PDE7B: variants seen among roughly 807,000 people sequenced by gnomAD.
The protein encoded by PDE7B is 3',5'-cyclic-AMP phosphodiesterase 7B.
A neutral mutation model predicts 56.2 loss-of-function variants in PDE7B; 29 were observed. The observed-to-expected ratio is 0.52, with a 90% CI of 0.38 to 0.70. The LOEUF is 0.70. PDE7B is among the 30% of genes least tolerant of loss of function. PDE7B has a pLI of 0.00. For missense variants in PDE7B, 490 were observed against 565.0 expected (o/e 0.87, Z 1.35); for synonymous variants, 197 against 196.9 (o/e 1.00, Z 0.00).
At chr6:135,882,244 C>T (rs745437752) in intron 1 of PDE7B, among the ~76,000 whole-genome samples, 8 of 152,134 alleles carry the variant, frequency 5.3e-5, no homozygotes, top group Middle Eastern at 3.2e-3. Flanking sequence ...GTGTGACCCC[C>T]GCTGAGAACA....
At chr6:136,049,393 C>CACTG (rs998803550) in intron 2 of PDE7B, 11 of 152,188 alleles carry the variant, frequency 7.2e-5, no homozygotes, top group African/African-American at 2.7e-4. Context: ...TGAGCCACCA[C>CACTG]ACTGGCCCTC....
chr6:136,049,583 T>C (rs1484389246), intron 2 of PDE7B: 2 of 152,254 alleles, frequency 1.3e-5, no homozygotes, highest in Admixed American at 6.5e-5. Flanking sequence ...TGACTCTTTG[T>C]TGGTTGACCC....
chr6:136,107,736 G>A (rs950780529), intron 2 of PDE7B, among the ~76,000 whole-genome samples: 5 of 152,122 alleles, frequency 3.3e-5, no homozygotes, highest in Admixed American at 1.3e-4. Flanking sequence ...GGCCTACCGT[G>A]TTCTAAAGTC....
intron 8 of PDE7B, among the ~76,000 whole-genome samples, chr6:136,164,110 A>G (rs1778755445): frequency 6.6e-6 from 1 of 152,128 alleles, no homozygotes; most frequent in African/African-American, 2.4e-5. Flanking sequence ...CATACCCCAG[A>G]CTGGGTAATT....
chr6:135,910,524 T>C (rs2128193651), intron 1 of PDE7B, among the ~76,000 whole-genome samples: 1 of 152,312 alleles, frequency 6.6e-6, no homozygotes, highest in African/African-American at 2.4e-5. Context: ...CATAGCCTCC[T>C]CCATTATCCA....
intron 1 of PDE7B, among the ~76,000 whole-genome samples, chr6:135,886,241 G>C (rs1370515909): frequency 1.3e-5 from 2 of 152,054 alleles, no homozygotes; most frequent in African/African-American, 4.8e-5. Flanking sequence ...GTAGGGTTGT[G>C]AATCAATAGC....
chr6:135,936,491 AC>A (rs1774425180), intron 1 of PDE7B, among the ~76,000 whole-genome samples: 1 of 152,176 alleles, frequency 6.6e-6, no homozygotes, highest in Non-Finnish European at 1.5e-5. Context: ...ACACAGTCAG[AC>A]AAAAAGGCGC....
intron 2 of PDE7B, among the ~76,000 whole-genome samples, chr6:136,004,951 C>G (rs1775749870): frequency 2.0e-5 from 3 of 152,314 alleles, no homozygotes; most frequent in African/African-American, 7.2e-5. Flanking sequence ...TGACTTCAAA[C>G]TATACTACAA....
chr6:135,938,034 C>T (rs1774451312), intron 1 of PDE7B, among the ~76,000 whole-genome samples: 1 of 152,202 alleles, frequency 6.6e-6, no homozygotes, highest in Non-Finnish European at 1.5e-5. Context: ...AGCATTGTTA[C>T]TCCCTGTACT....
At chr6:135,900,158 T>A (rs1159929431) in intron 1 of PDE7B, among the ~76,000 whole-genome samples, 2 of 152,102 alleles carry the variant, frequency 1.3e-5, no homozygotes, top group Non-Finnish European at 2.9e-5. Context: ...AGAGGTAGTT[T>A]GTTAGCATGA....
intron 2 of PDE7B, among the ~76,000 whole-genome samples, chr6:136,032,683 A>G (rs570761480): frequency 6.6e-6 from 1 of 152,326 alleles, no homozygotes; most frequent in Non-Finnish European, 1.5e-5. Flanking sequence ...TTGACTTTCC[A>G]GCTTTCTAAC....
At chr6:136,007,261 A>G (rs1260325079) in intron 2 of PDE7B, among the ~76,000 whole-genome samples, 5 of 152,192 alleles carry the variant, frequency 3.3e-5, no homozygotes, top group Non-Finnish European at 5.9e-5. Context: ...GATGAAGCCT[A>G]CTTGATTATG....
chr6:135,880,352 C>A (rs1775584709), intron 1 of PDE7B, among the ~76,000 whole-genome samples: 1 of 152,144 alleles, frequency 6.6e-6, no homozygotes, highest in Non-Finnish European at 1.5e-5. Flanking sequence ...TGAGTTTATT[C>A]ATCCAACAAA....
At chr6:135,894,883 A>G (rs148599650) in intron 1 of PDE7B, among the ~76,000 whole-genome samples, 2 of 152,266 alleles carry the variant, frequency 1.3e-5, no homozygotes, top group African/African-American at 4.8e-5. Flanking sequence ...GCCTGCAAAA[A>G]CTAAAAATTA....
chr6:135,988,358 A>G (rs1775417960), intron 2 of PDE7B, among the ~76,000 whole-genome samples: 1 of 152,206 alleles, frequency 6.6e-6, no homozygotes, highest in Admixed American at 6.5e-5. Context: ...AAAACTGTAA[A>G]TTAGTAAGCT....
intron 2 of PDE7B, among the ~76,000 whole-genome samples, chr6:135,984,761 T>G (rs1036561542): frequency 2.0e-5 from 3 of 152,132 alleles, no homozygotes; most frequent in Non-Finnish European, 4.4e-5. Context: ...ACTTGTGTTG[T>G]TTGAGTTTGT....
intron 1 of PDE7B, among the ~76,000 whole-genome samples, chr6:135,855,979 CTT>C (rs2128183486): frequency 6.6e-6 from 1 of 152,228 alleles, no homozygotes; most frequent in East Asian, 1.9e-4. Context: ...GTTGGATGCC[CTT>C]TTTCTTTCCA....
At chr6:136,168,248 A>G (rs369948241) in intron 8 of PDE7B, among the ~76,000 whole-genome samples, 1 of 152,184 alleles carries the variant, frequency 6.6e-6, no homozygotes, top group South Asian at 2.1e-4. Flanking sequence ...AAAGGTATTG[A>G]GTTATCTCAA....
intron 11 of PDE7B, among the ~76,000 whole-genome samples, chr6:136,185,867 A>T (rs777312690): frequency 6.6e-6 from 1 of 152,146 alleles, no homozygotes; most frequent in African/African-American, 2.4e-5. Flanking sequence ...TATCTCTTCT[A>T]CTTTAGCAGA....
Sources: allele counts gnomAD v4.1 joint callset (sites outside exome capture counted in the v4.1 genomes callset), GRCh38; gene constraint gnomAD v4.1.1; transcripts MANE v1.5; gene names NCBI Gene and HGNC (gene_info 2026-07-23, HGNC 2026-07-21).